The following FAN1 variants were observed in gnomAD, a reference collection of about 807,000 sequenced individuals.
FAN1 encodes FANCD2 and FANCI associated nuclease 1.
In FAN1, 91 loss-of-function variants were observed where a neutral mutation model predicts 104.9. The ratio of observed to expected loss-of-function variants is 0.87; its 90% CI spans 0.73 to 1.03. The LOEUF (loss-of-function observed/expected upper bound fraction) is 1.03. Among genes scored for constraint, FAN1 ranks in the 50% least tolerant of loss-of-function variants. FAN1 has a pLI of 0.00. For synonymous variants in FAN1, 478 were observed against 457.6 expected (o/e 1.04, Z -0.57); for missense variants, 1,263 against 1,239.9 (o/e 1.02, Z -0.28).
rs2062448387 is a variant in FAN1, at chr15:30,925,845, G to C, written c.2394G>C (p.Val798=). Residue 798 remains valine, a synonymous_variant, in exon 10 of 15, where the codon GTG becomes GTC. Coordinates refer to ENST00000362065, the MANE Select transcript of FAN1 (RefSeq NM_014967.5). ...PQRGMCKSVF[V]MEAGEAADPT... is the part of the protein sequence containing the mutation. ...GTGGGATGTGCAAGTCTGTGTTTGT[G>C]ATGGAGGCCGGGGAGGCCGCTGACC... is the stretch of plus-strand genomic sequence containing the variant. 2 of 1,614,226 alleles carry C rather than the reference G, an allele frequency of 1.2e-6. No homozygotes were observed. Among genetic ancestry groups the C allele is most frequent in the African/African-American group, 2.7e-5 (2 of 75,076 alleles).
intron 11 of FAN1, chr15:30,928,887 T>C: frequency 3.3e-5 from 23 of 698,506 alleles, no homozygotes; most frequent in Non-Finnish European, 4.1e-5. Context: ...TTTAGACCTT[T>C]CGTATAAAGT....
At chr15:30,928,104 G>A (rs1052655952) in intron 10 of FAN1, 3 of 998,794 alleles carry the variant, frequency 3.0e-6, no homozygotes, top group African/African-American at 3.5e-5. Context: ...GCCGGCCTCC[G>A]GGAGGTCCCC....
At position 30,942,597 on chromosome 15, in the gene FAN1, C is replaced by G. The variant is rs370263206; in HGVS notation, c.*1035C>G. 8.3e-5 allele frequency: 32 copies of G among 385,342 alleles called. No individual in the cohort carries two copies. The highest frequency in any genetic ancestry group is 5.9e-4 in the East Asian group (14 of 23,748). The allele number at this position is 385,342 out of a possible 1,614,324, so 23.9% of individuals were successfully genotyped here. A position where few individuals can be genotyped will look rare whatever the true frequency, so the allele number is the denominator to read the frequency against. On this transcript the variant is annotated 3_prime_UTR_variant, in exon 15 of 15. Transcript: ENST00000362065. ...CATCACAGCCAGGCGGCATTCCCTG[C>G]CACAGTGGCGGCTTGAATCATCAAG...
rs1485555067 is a variant in FAN1 at position 30,908,134 on chromosome 15, A to G, written c.1251A>G (p.Leu417=). The G allele has an allele frequency of 6.2e-7, 1 of 1,608,220 alleles. No individual in the cohort carries two copies. Among genetic ancestry groups the G allele is most frequent in the Non-Finnish European group, 8.5e-7 (1 of 1,178,080 alleles). Residue 417 remains leucine, a synonymous_variant, in exon 3 of 15, where the codon TTA becomes TTG. Transcript: ENST00000362065. The stretch of plus-strand genomic sequence containing the variant: ...TTATTGCAGCTACTGGTCAGAAGTT[A>G]TATGTAAGGCTCTTTCAACGTAAAT... ...FYQLSATGQK[L]YVRLFQRKLS...
intron 14 of FAN1, chr15:30,941,182 T>C (rs941261420): frequency 7.5e-7 from 1 of 1,335,880 alleles, no homozygotes; most frequent in Non-Finnish European, 9.8e-7. Context: ...CAGGAGGTGG[T>C]AGGAAAAATG....
intron 8 of FAN1, 116 bp from the exon 9 acceptor site, chr15:30,925,011 C>T: frequency 4.7e-6 from 5 of 1,070,898 alleles, no homozygotes; most frequent in Non-Finnish European, 6.7e-6. Flanking sequence ...GCTGTTTGCT[C>T]ATTTGCTAAT....
intron 10 of FAN1, chr15:30,926,694 A>G (rs765672037): frequency 2.1e-4 from 208 of 985,306 alleles, no homozygotes; most frequent in Non-Finnish European, 2.4e-4. Context: ...AAATAGAAGA[A>G]TAGAATGCAC....
chr15:30,905,991 A>G, intron 2 of FAN1, 94 bp downstream of exon 2: 1 of 1,192,378 alleles, frequency 8.4e-7, no homozygotes, highest in Non-Finnish European at 1.2e-6. Context: ...AGTGACCGCA[A>G]GGAGTCACTG....
intron 6 of FAN1, 50 bp from the exon 7 acceptor site, chr15:30,920,495 A>G (rs1434450582): frequency 8.5e-7 from 1 of 1,174,082 alleles, no homozygotes; most frequent in African/African-American, 1.5e-5. Context: ...TTATTGTCTT[A>G]TAATAAATTA....
chr15:30,938,895 T>TATCA lies in FAN1; in HGVS notation c.*3+1641_*3+1644dup, dbSNP rs891389326. On this transcript the variant is annotated intron_variant, in intron 14 of 14. Transcript: ENST00000362065. ...TAGGAGAAGATGCCTTCACCTCTTC[T>TATCA]ATCAATCACTGTGTTCCAGTAGATG... 2.7e-5 allele frequency: 27 copies of TATCA among 984,210 alleles called. No individual in the cohort carries two copies. The African/African-American group carries it at 4.7e-4, about 17-fold the overall frequency. The allele number at this position is 984,210 out of a possible 1,614,324, so 61.0% of individuals were successfully genotyped here. A position where few individuals can be genotyped will look rare whatever the true frequency, so the allele number is the denominator to read the frequency against.
At chr15:30,935,289 C>T (rs919229689) in intron 13 of FAN1, among the ~76,000 whole-genome samples, 6 of 151,268 alleles carry the variant, frequency 4.0e-5, no homozygotes, top group Non-Finnish European at 8.8e-5. Flanking sequence ...GCCTGGGCAA[C>T]AGAGTGAGAC....
intron 14 of FAN1, among the ~76,000 whole-genome samples, chr15:30,937,606 C>G (rs1444754217): frequency 6.6e-6 from 1 of 151,722 alleles, no homozygotes; most frequent in African/African-American, 2.4e-5. Flanking sequence ...TGTGCGCCAC[C>G]ACGCCTGGCT....
chr15:30,938,708 T>C (rs1436609318), intron 14 of FAN1, among the ~76,000 whole-genome samples: 1 of 152,176 alleles, frequency 6.6e-6, no homozygotes, highest in African/African-American at 2.4e-5. Flanking sequence ...CCAGTTTTTA[T>C]ATTTATTTAT....
chr15:30,932,820 C>G (rs538508713), intron 13 of FAN1, among the ~76,000 whole-genome samples: 35 of 148,464 alleles, frequency 2.4e-4, no homozygotes, highest in African/African-American at 7.7e-4. Context: ...TCAAGTGATT[C>G]TCGTGCCTCA....
rs774633691 is a variant in FAN1, at chr15:30,929,295, G to A, written c.2685G>A (p.Glu895=). Residue 895 remains glutamate, a synonymous_variant, in exon 12 of 15, where the codon GAG becomes GAA. Coordinates refer to ENST00000362065, the MANE Select transcript of FAN1 (RefSeq NM_014967.5). ...ARLQLIHDAP[E]ESLRAWVAAT... is the part of the protein sequence containing the mutation. The stretch of plus-strand genomic sequence containing the variant: ...TGCAGCTGATTCATGATGCCCCCGA[G>A]GAGAGCCTGCGGGCCTGGGTGGCAG... 70 of 1,613,004 alleles carry A rather than the reference G, an allele frequency of 4.3e-5. 1 individual carries two copies. The highest frequency in any genetic ancestry group is 5.7e-5 in the Non-Finnish European group (67 of 1,179,610).
Position 30,933,835 on chromosome 15 carries a change from G to A in FAN1, c.2916+3164G>A, listed in dbSNP as rs572362808. Among the ~76,000 whole-genome samples, 270 of 151,706 alleles carry A rather than the reference G, an allele frequency of 1.8e-3. 2 individuals carry two copies. Among genetic ancestry groups the A allele is most frequent in the African/African-American group, 6.1e-3 (253 of 41,340 alleles). On this transcript the variant is annotated intron_variant, in intron 13 of 14. Transcript: ENST00000362065. The stretch of plus-strand genomic sequence containing the variant: ...TGTAGTGGCAGTGCGATCCTGGATC[G>A]CTGCAGCCTTGATCTCCCAGGCTCA...
rs779279570 is a variant in FAN1, at chr15:30,941,761, C to T, written c.*199C>T. On this transcript the variant is annotated 3_prime_UTR_variant, in exon 15 of 15. Coordinates refer to ENST00000362065, the MANE Select transcript of FAN1 (RefSeq NM_014967.5). ...CGACTTCATCAGCCAGGAGGGAGAG[C>T]TTGTGAAAGGCTGTGATGGAGCCAC... 1.2e-6 allele frequency: 2 copies of T among 1,613,998 alleles called. No individual in the cohort carries two copies. The highest frequency in any genetic ancestry group is 2.2e-5 in the South Asian group (2 of 91,080).
At chr15:30,911,277 T>C in intron 4 of FAN1, 4 of 987,442 alleles carry the variant, frequency 4.1e-6, no homozygotes, top group Non-Finnish European at 4.8e-6. Context: ...TTGACCTGTT[T>C]CAGTTGAAAA....
At chr15:30,915,585 A>G (rs1316447235) in intron 5 of FAN1, among the ~76,000 whole-genome samples, 6 of 152,188 alleles carry the variant, frequency 3.9e-5, no homozygotes, top group Non-Finnish European at 8.8e-5. Flanking sequence ...CCTGGGCAAC[A>G]TAATGAGACC....
Sources: gnomAD v4.1 joint callset for allele counts (sites outside exome capture counted in the v4.1 genomes callset) on GRCh38, gnomAD v4.1.1 for gene constraint, MANE v1.5 for transcripts, NCBI Gene and HGNC (gene_info 2026-07-23, HGNC 2026-07-21) for gene names.